MAMLD1: variants seen among roughly 807,000 people sequenced by gnomAD.
The protein encoded by MAMLD1 is mastermind-like domain-containing protein 1.
Under a neutral mutation model 45.0 loss-of-function variants are expected in MAMLD1, and 14 were observed. The ratio of observed to expected loss-of-function variants is 0.31; its 90% CI spans 0.21 to 0.49. The LOEUF (loss-of-function observed/expected upper bound fraction) is 0.49, where lower values mean the gene tolerates loss of function less well. MAMLD1 is among the 20% of genes least tolerant of loss of function. The pLI, the probability that MAMLD1 is intolerant of heterozygous loss-of-function variation, is 0.99. For missense variants in MAMLD1, 543 were observed against 603.6 expected (o/e 0.90, Z 1.05); for synonymous variants, 254 against 247.8 (o/e 1.02, Z -0.24).
In MAMLD1 at chrX:150,382,885, A is replaced by ATTTTT. The variant is rs1405489784; in HGVS notation, c.-64+19366_-64+19370dup. 2.2e-3 allele frequency among the ~76,000 whole-genome samples: 91 copies of ATTTTT among 41,125 alleles called. 2 individuals carry two copies. The highest frequency in any genetic ancestry group is 4.6e-3 in the African/African-American group (21 of 4,606). The allele number at this position is 41,125 out of a possible 115,157, so 35.7% of individuals were successfully genotyped here. On this transcript the variant is annotated intron_variant, in intron 1 of 7. Coordinates refer to ENST00000370401, the MANE Select transcript of MAMLD1 (RefSeq NM_005491.5). ...CAAATATTTTGTCCCATTTTATTTT[A>ATTTTT]TTTTTTTTTTTTTTTATTTTTTATT...
chrX:150,400,956 G>T (rs1178706020), intron 1 of MAMLD1, among the ~76,000 whole-genome samples: 6 of 108,817 alleles, frequency 5.5e-5, no homozygotes, highest in African/African-American at 1.7e-4. Flanking sequence ...TTGGTATCAG[G>T]ATGATGCTGG....
chrX:150,405,781 C>T lies in MAMLD1; in HGVS notation c.-63-39673C>T, dbSNP rs150237747. On this transcript the variant is annotated intron_variant, in intron 1 of 7. Transcript: ENST00000370401. ...TAATATCAGCGAATTCCTCACCTTA[C>T]AGAGGCCCCCTGCTGGACAGAGGCC... is the stretch of plus-strand genomic sequence containing the variant. 5.0e-3 allele frequency among the ~76,000 whole-genome samples: 556 copies of T among 111,515 alleles called. 2 individuals are homozygous for T. Among genetic ancestry groups the T allele is most frequent in the African/African-American group, 0.018 (538 of 30,654 alleles).
intron 1 of MAMLD1, among the ~76,000 whole-genome samples, chrX:150,371,424 C>T (rs1200561039): frequency 9.0e-6 from 1 of 110,827 alleles, no homozygotes; most frequent in Non-Finnish European, 1.9e-5. Context: ...TACCTAGACA[C>T]TAGACCACAG....
At chrX:150,364,228 C>G (rs1465853935) in intron 1 of MAMLD1, among the ~76,000 whole-genome samples, 8 of 112,791 alleles carry the variant, frequency 7.1e-5, no homozygotes, top group African/African-American at 1.9e-4. Context: ...CGCCCGGCGC[C>G]GGCTAGCGCG....
At chrX:150,377,819 T>A (rs868939506) in intron 1 of MAMLD1, among the ~76,000 whole-genome samples, 6 of 91,831 alleles carry the variant, frequency 6.5e-5, no homozygotes, top group East Asian at 3.4e-4. Flanking sequence ...TACCACCCCC[T>A]CACACACACA....
At chrX:150,394,129 C>T (rs370297644) in intron 1 of MAMLD1, among the ~76,000 whole-genome samples, 7 of 12,267 alleles carry the variant, frequency 5.7e-4, no homozygotes, top group African/African-American at 1.1e-3. Flanking sequence ...TATCTACATC[C>T]TTTTTTTTTT....
chrX:150,401,067 A>G (rs1419390897), intron 1 of MAMLD1, among the ~76,000 whole-genome samples: 1 of 111,306 alleles, frequency 9.0e-6, no homozygotes, highest in Non-Finnish European at 1.9e-5. Context: ...GGTAGAATTC[A>G]GCTGTGAATC....
chrX:150,454,538 G>T (rs2035778019), intron 2 of MAMLD1, among the ~76,000 whole-genome samples: 1 of 111,860 alleles, frequency 8.9e-6, no homozygotes, highest in East Asian at 2.8e-4. Flanking sequence ...CAGTTTTCCA[G>T]GTAAGAAAAA....
At chrX:150,495,131 A>G (rs1455083243) in intron 5 of MAMLD1, among the ~76,000 whole-genome samples, 2 of 111,032 alleles carry the variant, frequency 1.8e-5, no homozygotes, top group African/African-American at 6.6e-5. Flanking sequence ...CCTTCAACCT[A>G]GGAGGTGAAG....
chrX:150,414,642 C>T (rs1274812649), intron 1 of MAMLD1, among the ~76,000 whole-genome samples: 1 of 111,659 alleles, frequency 9.0e-6, no homozygotes, highest in Non-Finnish European at 1.9e-5. Flanking sequence ...AAGATCTTGA[C>T]GAGCTCAAGA....
At chrX:150,398,464 G>T (rs1201641982) in intron 1 of MAMLD1, among the ~76,000 whole-genome samples, 7 of 111,282 alleles carry the variant, frequency 6.3e-5, no homozygotes, top group Non-Finnish European at 1.3e-4. Flanking sequence ...AACATTAGTT[G>T]TGGATATTCC....
rs1486410388 is a variant in MAMLD1, at chrX:150,434,135, G to C, written c.-63-11319G>C. On this transcript the variant is annotated intron_variant, in intron 1 of 7. Coordinates refer to ENST00000370401, the MANE Select transcript of MAMLD1 (RefSeq NM_005491.5). The stretch of plus-strand genomic sequence containing the variant: ...ATTTCTTCCTGGTTCAATCTTGGGA[G>C]GTTGTATGTTATCAGCAATTTATCC... 4.5e-5 allele frequency among the ~76,000 whole-genome samples: 5 copies of C among 111,635 alleles called. No individual in the cohort carries two copies. In the Admixed American group the frequency reaches 4.8e-4, roughly 11 times the overall value.
In MAMLD1 at chrX:150,513,594, T is replaced by C. The variant is rs2037962499; in HGVS notation, c.*1635T>C. ...TCCTATTGCCTTGTGTGATTCTTAA[T>C]CTCTTTTGCGAACCTTTCAGTCTCC... is the stretch of plus-strand genomic sequence containing the variant. On this transcript the variant is annotated 3_prime_UTR_variant, in exon 8 of 8. Transcript: ENST00000370401. 3.4e-6 allele frequency: 1 copy of C among 298,440 alleles called. No homozygotes were observed. 24.6% of individuals were successfully genotyped at this position (298,440 alleles called of 1,213,427 possible). A position where few individuals can be genotyped will look rare whatever the true frequency, so the allele number is the denominator to read the frequency against.
At chrX:150,383,681 G>A (rs1317518599) in intron 1 of MAMLD1, among the ~76,000 whole-genome samples, 1 of 111,105 alleles carries the variant, frequency 9.0e-6, no homozygotes, top group Non-Finnish European at 1.9e-5. Flanking sequence ...ATTCATAGTT[G>A]TACCATCATC....
At chrX:150,466,559 G>A (rs2036226562) in intron 3 of MAMLD1, among the ~76,000 whole-genome samples, 1 of 112,160 alleles carries the variant, frequency 8.9e-6, no homozygotes, top group African/African-American at 3.2e-5. Flanking sequence ...GAAAGTCAGT[G>A]AGTGTACATG....
chrX:150,506,338 TTCC>T (rs782015124), intron 6 of MAMLD1, among the ~76,000 whole-genome samples: 1 of 93,085 alleles, frequency 1.1e-5, no homozygotes, highest in East Asian at 3.8e-4. Context: ...TCCCCTCCCC[TTCC>T]TCCTCCTCCT....
intron 5 of MAMLD1, among the ~76,000 whole-genome samples, chrX:150,482,030 AAG>A (rs1308950170): frequency 1.4e-4 from 15 of 108,702 alleles, no homozygotes; most frequent in African/African-American, 5.1e-4. Flanking sequence ...GAAAGAAAGA[AAG>A]AATTGAAAGC....
At chrX:150,370,690 A>AC (rs1218453990) in intron 1 of MAMLD1, among the ~76,000 whole-genome samples, 3 of 109,420 alleles carry the variant, frequency 2.7e-5, no homozygotes, top group African/African-American at 1.0e-4. Flanking sequence ...CCCTGCCTCC[A>AC]CCCCCCCAGC....
chrX:150,494,124 G>A (rs1267561671), intron 5 of MAMLD1, among the ~76,000 whole-genome samples: 1 of 112,094 alleles, frequency 8.9e-6, no homozygotes, highest in African/African-American at 3.2e-5. Context: ...GGCCGGGCAC[G>A]GTGGCTCAAG....
Sources: allele counts gnomAD v4.1 joint callset (sites outside exome capture counted in the v4.1 genomes callset), GRCh38; gene constraint gnomAD v4.1.1; transcripts MANE v1.5; gene names NCBI Gene and HGNC (gene_info 2026-07-23, HGNC 2026-07-21).